The following RALYL variants were observed in gnomAD, a reference collection of about 807,000 sequenced individuals.
RALYL encodes the protein RNA-binding Raly-like protein.
A neutral mutation model predicts 35.1 loss-of-function variants in RALYL; 29 were observed. That is an observed-to-expected ratio of 0.83 (90% CI 0.61 to 1.13). The LOEUF is 1.13. Among genes scored for constraint, RALYL ranks in the 50% most tolerant of loss-of-function variants. The probability of loss-of-function intolerance (pLI) is 0.00; values close to 1 mark genes in which losing one functional copy is unlikely to be tolerated. For missense variants in RALYL, 359 were observed against 360.4 expected (o/e 1.00, Z 0.03); for synonymous variants, 120 against 127.6 (o/e 0.94, Z 0.40).
At chr8:84,866,504 G>T (rs1444739162) in intron 6 of RALYL, among the ~76,000 whole-genome samples, 3 of 152,090 alleles carry the variant, frequency 2.0e-5, no homozygotes. Flanking sequence ...ATATGAAATT[G>T]CTGAACCTAG....
chr8:84,185,678 A>G (rs1812343594), intron 1 of RALYL, among the ~76,000 whole-genome samples: 1 of 152,212 alleles, frequency 6.6e-6, no homozygotes. Flanking sequence ...CTTAGCTTTA[A>G]ATTACCATGT....
At chr8:84,858,764 C>T (rs900971228) in intron 5 of RALYL, among the ~76,000 whole-genome samples, 9 of 152,102 alleles carry the variant, frequency 5.9e-5, no homozygotes, top group Non-Finnish European at 8.8e-5. Context: ...TTGAAGAACC[C>T]CTATATCCCA....
intron 1 of RALYL, among the ~76,000 whole-genome samples, chr8:84,471,756 T>C (rs711021): frequency 0.57 from 87,042 of 152,056 alleles, 25,013 homozygotes; most frequent in South Asian, 0.65. Flanking sequence ...ACATTGGGTA[T>C]GTCATGTTCT....
intron 2 of RALYL, among the ~76,000 whole-genome samples, chr8:84,590,186 G>C (rs1812924498): frequency 6.6e-6 from 1 of 152,178 alleles, no homozygotes; most frequent in Non-Finnish European, 1.5e-5. Context: ...GGTCATCAGA[G>C]GTTTTGTACT....
chr8:84,268,475 A>G (rs1484960738), intron 1 of RALYL, among the ~76,000 whole-genome samples: 1 of 152,198 alleles, frequency 6.6e-6, no homozygotes, highest in East Asian at 1.9e-4. Flanking sequence ...AATCAAGTCA[A>G]ATCACATAAT....
intron 2 of RALYL, among the ~76,000 whole-genome samples, chr8:84,606,194 C>T (rs1379427704): frequency 1.3e-5 from 2 of 152,132 alleles, no homozygotes; most frequent in South Asian, 2.1e-4. Flanking sequence ...TATCTCCCCT[C>T]AGTTTCTTTA....
chr8:84,483,623 A>G (rs373533693), intron 1 of RALYL, among the ~76,000 whole-genome samples: 2 of 152,276 alleles, frequency 1.3e-5, no homozygotes, highest in Admixed American at 6.5e-5. Flanking sequence ...GATATCTTCA[A>G]CTCAAAAGGT....
At chr8:84,195,520 A>G (rs965901049) in intron 1 of RALYL, among the ~76,000 whole-genome samples, 2 of 152,222 alleles carry the variant, frequency 1.3e-5, no homozygotes, top group Non-Finnish European at 2.9e-5. Flanking sequence ...GGAAAAGGAA[A>G]TGCTTTATGT....
At chr8:84,547,537 G>T (rs548584576) in intron 2 of RALYL, among the ~76,000 whole-genome samples, 1 of 151,870 alleles carries the variant, frequency 6.6e-6, no homozygotes, top group East Asian at 1.9e-4. Flanking sequence ...CTGCTACCAC[G>T]CCCGTCTAAT....
At position 84,744,785 on chromosome 8, in the gene RALYL, A is replaced by G. The variant is rs117218739; in HGVS notation, c.257-29794A>G. ...GGTGAAGAATAGATCTAGTACCGGT[A>G]TCAGGATGATGGTCTCGATACAGAA... On this transcript the variant is annotated intron_variant, in intron 2 of 8. Coordinates refer to ENST00000521268, the MANE Select transcript of RALYL (RefSeq NM_173848.7). 1.4e-3 allele frequency among the ~76,000 whole-genome samples: 215 copies of G among 152,092 alleles called. 2 individuals carry two copies. The East Asian group carries it at 0.034, about 24-fold the overall frequency.
intron 2 of RALYL, among the ~76,000 whole-genome samples, chr8:84,655,519 G>T (rs1451586439): frequency 6.6e-6 from 1 of 151,992 alleles, no homozygotes; most frequent in African/African-American, 2.4e-5. Context: ...AGTAGAGACG[G>T]GGTTTTGCCA....
chr8:84,361,880 A>G (rs995437062), intron 1 of RALYL, among the ~76,000 whole-genome samples: 1 of 152,172 alleles, frequency 6.6e-6, no homozygotes, highest in Non-Finnish European at 1.5e-5. Flanking sequence ...TTGGTGTAGT[A>G]GAAGAAGCCC....
intron 2 of RALYL, among the ~76,000 whole-genome samples, chr8:84,758,553 G>A (rs548401358): frequency 6.6e-6 from 1 of 152,294 alleles, no homozygotes; most frequent in South Asian, 2.1e-4. Context: ...GGTGGAGGAG[G>A]ATTATTCTAA....
chr8:84,783,312 G>T (rs1818631462), intron 3 of RALYL, among the ~76,000 whole-genome samples: 2 of 152,140 alleles, frequency 1.3e-5, no homozygotes, highest in African/African-American at 4.8e-5. Flanking sequence ...GAAAGAAAAA[G>T]CTTGTATTAT....
chr8:84,493,976 C>T (rs1178197954), intron 1 of RALYL, among the ~76,000 whole-genome samples: 1 of 152,056 alleles, frequency 6.6e-6, no homozygotes, highest in African/African-American at 2.4e-5. Flanking sequence ...AAAATCTTTG[C>T]CCATGCCTAT....
intron 4 of RALYL, among the ~76,000 whole-genome samples, chr8:84,826,512 G>T (rs191970814): frequency 2.6e-5 from 4 of 152,004 alleles, no homozygotes; most frequent in East Asian, 1.9e-4. Flanking sequence ...AAATACTAGG[G>T]TATACCAAAA....
At chr8:84,802,857 C>G (rs1297183186) in intron 3 of RALYL, among the ~76,000 whole-genome samples, 1 of 152,044 alleles carries the variant, frequency 6.6e-6, no homozygotes, top group Non-Finnish European at 1.5e-5. Context: ...GAGAGACTAA[C>G]TAGGCTGGGG....
chr8:84,513,663 T>A (rs1450788193), intron 1 of RALYL, among the ~76,000 whole-genome samples: 1 of 152,212 alleles, frequency 6.6e-6, no homozygotes, highest in Non-Finnish European at 1.5e-5. Flanking sequence ...TTAGTTTTTT[T>A]AATTAGATGC....
chr8:84,604,693 C>T (rs759903236), intron 2 of RALYL, among the ~76,000 whole-genome samples: 17 of 152,106 alleles, frequency 1.1e-4, no homozygotes, highest in Admixed American at 7.9e-4. Context: ...TCCATCTATT[C>T]TTATTCCCTC....
Sources: gnomAD v4.1 joint callset for allele counts (sites outside exome capture counted in the v4.1 genomes callset) on GRCh38, gnomAD v4.1.1 for gene constraint, MANE v1.5 for transcripts, NCBI Gene and HGNC (gene_info 2026-07-23, HGNC 2026-07-21) for gene names.